The following KLRG1 variants were observed in gnomAD, a reference collection of about 807,000 sequenced individuals.
The protein encoded by KLRG1 is killer cell lectin like receptor G1.
In KLRG1, 16 loss-of-function variants were observed where a neutral mutation model predicts 21.8. That is an observed-to-expected ratio of 0.73 (90% confidence interval 0.50 to 1.11). The LOEUF (loss-of-function observed/expected upper bound fraction) is 1.11, where lower values mean the gene tolerates loss of function less well. Among genes scored for constraint, KLRG1 ranks in the 50% most tolerant of loss-of-function variants. The pLI, the probability that KLRG1 is intolerant of heterozygous loss-of-function variation, is 0.00. For missense variants in KLRG1, 173 were observed against 218.3 expected (o/e 0.79, Z 1.31); for synonymous variants, 69 against 75.9 (o/e 0.91, Z 0.47).
the KLRG1 span, chr12:9,101,089 T>C: frequency 6.7e-7 from 1 of 1,495,350 alleles, no homozygotes; most frequent in South Asian, 1.2e-5. Context: ...TTCCGTGGTG[T>C]AAGGCTGAAT....
At chr12:9,028,872 A>G in the KLRG1 span, 5 of 642,578 alleles carry the variant, frequency 7.8e-6, no homozygotes, top group African/African-American at 9.0e-5. Context: ...GTGGCCTTGC[A>G]TTCGTGGCCG....
At chr12:9,192,382 T>C in the KLRG1 span, 7 of 1,279,454 alleles carry the variant, frequency 5.5e-6, no homozygotes, top group East Asian at 2.4e-5. Flanking sequence ...AGAAAACTCA[T>C]GGAATGAAGG....
chr12:8,997,604 T>C (rs925378671), intron 3 of KLRG1, among the ~76,000 whole-genome samples: 1 of 152,172 alleles, frequency 6.6e-6, no homozygotes, highest in African/African-American at 2.4e-5. Flanking sequence ...TGTTGCTATA[T>C]GTAGAATCTA....
At chr12:9,106,633 A>C in the KLRG1 span, 13 of 1,197,124 alleles carry the variant, frequency 1.1e-5, no homozygotes, top group Middle Eastern at 2.1e-4. Context: ...AAAATACAAA[A>C]ATATAATGCA....
At chr12:9,210,098 A>G in the KLRG1 span, among the ~76,000 whole-genome samples, 1 of 152,148 alleles carries the variant, frequency 6.6e-6, no homozygotes, top group African/African-American at 2.4e-5. Flanking sequence ...TATAGGCTAT[A>G]TATGTATGTA....
the KLRG1 span, among the ~76,000 whole-genome samples, chr12:9,107,067 A>C: frequency 6.6e-6 from 1 of 152,070 alleles, no homozygotes. Flanking sequence ...TCTGCTCTTG[A>C]CCATTAGAAC....
chr12:9,048,973 C>T, the KLRG1 span, among the ~76,000 whole-genome samples: 98 of 152,286 alleles, frequency 6.4e-4, no homozygotes, highest in African/African-American at 2.3e-3. Flanking sequence ...GGTTACCTGG[C>T]TTTTGATTTT....
At chr12:9,180,998 C>A in the KLRG1 span, 1 of 1,613,738 alleles carries the variant, frequency 6.2e-7, no homozygotes, top group Non-Finnish European at 8.5e-7. Flanking sequence ...ACACAGAGAG[C>A]TCAGCCTCAG....
At chr12:9,139,672 T>G in the KLRG1 span, among the ~76,000 whole-genome samples, 1 of 152,234 alleles carries the variant, frequency 6.6e-6, no homozygotes, top group Non-Finnish European at 1.5e-5. Context: ...CCTTTTATCA[T>G]TATAAAATTT....
intron 2 of KLRG1, among the ~76,000 whole-genome samples, chr12:8,992,711 T>A (rs11048414): frequency 0.79 from 119,905 of 151,006 alleles, 47,955 homozygotes; most frequent in Non-Finnish European, 0.83. Flanking sequence ...TATTATTATT[T>A]TTTTTTTTTT....
the KLRG1 span, among the ~76,000 whole-genome samples, chr12:9,073,338 CATGCTT>C: frequency 6.6e-6 from 1 of 152,186 alleles, no homozygotes; most frequent in Non-Finnish European, 1.5e-5. Flanking sequence ...TGAGCAGAGT[CATGCTT>C]CAGTTTCTCC....
At chr12:9,124,585 G>A in the KLRG1 span, among the ~76,000 whole-genome samples, 1 of 152,234 alleles carries the variant, frequency 6.6e-6, no homozygotes, top group Non-Finnish European at 1.5e-5. Flanking sequence ...GGCTGCGCGG[G>A]AGATTCCCTG....
chr12:9,010,199 A>C lies in KLRG1; in HGVS notation c.*662A>C. Reference sequence around the variant, plus strand: ...AGACTCCATCTCTAAAAAAAAAAAAAAATGCTAATGTGAGAATATAAATTG... The same window carrying C: ...AGACTCCATCTCTAAAAAAAAAAAACAATGCTAATGTGAGAATATAAATTG... On this transcript the variant is annotated 3_prime_UTR_variant, in exon 5 of 5. Coordinates refer to ENST00000356986, the MANE Select transcript of KLRG1 (RefSeq NM_005810.4). 1.9e-6 allele frequency: 1 copy of C among 538,364 alleles called. No homozygotes were observed. The allele number at this position is 538,364 out of a possible 1,614,324, so 33.3% of individuals were successfully genotyped here.
At chr12:9,102,482 C>T in the KLRG1 span, among the ~76,000 whole-genome samples, 1 of 152,198 alleles carries the variant, frequency 6.6e-6, no homozygotes, top group Non-Finnish European at 1.5e-5. Context: ...TCCCAAAGTG[C>T]TGGGATTACA....
At chr12:9,035,693 C>T in the KLRG1 span, among the ~76,000 whole-genome samples, 2 of 151,940 alleles carry the variant, frequency 1.3e-5, no homozygotes, top group Admixed American at 1.3e-4. Context: ...AAGGCACATG[C>T]ACGTGCATGT....
At chr12:9,089,241 A>T in the KLRG1 span, 2 of 1,587,300 alleles carry the variant, frequency 1.3e-6, no homozygotes, top group Non-Finnish European at 1.7e-6. Context: ...TTCCTTCTCT[A>T]GTCCTTCAGG....
At chr12:9,207,135 G>A in the KLRG1 span, among the ~76,000 whole-genome samples, 1 of 152,198 alleles carries the variant, frequency 6.6e-6, no homozygotes, top group African/African-American at 2.4e-5. Context: ...TTGGCCTGAA[G>A]AAGGCTATTT....
chr12:9,037,604 C>T, the KLRG1 span, among the ~76,000 whole-genome samples: 6 of 152,178 alleles, frequency 3.9e-5, no homozygotes, highest in African/African-American at 1.4e-4. Context: ...ATGTCCTAGG[C>T]TTTCACATTC....
At chr12:9,082,923 G>A in the KLRG1 span, among the ~76,000 whole-genome samples, 1 of 152,170 alleles carries the variant, frequency 6.6e-6, no homozygotes, top group Admixed American at 6.5e-5. Context: ...ATAATCCTTT[G>A]GGTATATACC....
Sources: allele counts gnomAD v4.1 joint callset (sites outside exome capture counted in the v4.1 genomes callset), GRCh38; gene constraint gnomAD v4.1.1; transcripts MANE v1.5; gene names NCBI Gene and HGNC (gene_info 2026-07-23, HGNC 2026-07-21).